PRKCE: variants seen among roughly 807,000 people sequenced by gnomAD.
PRKCE encodes protein kinase C epsilon.
PRKCE carries 16 observed loss-of-function variants against 85.4 expected under a neutral mutation model. That is an observed-to-expected ratio of 0.19 (90% CI 0.13 to 0.28). The LOEUF (loss-of-function observed/expected upper bound fraction) is 0.28, where lower values mean the gene tolerates loss of function less well. Ranked by LOEUF, PRKCE falls within the 10% of genes least tolerant of loss-of-function variation. The pLI, the probability that PRKCE is intolerant of heterozygous loss-of-function variation, is 1.00. For synonymous variants in PRKCE, 388 were observed against 371.5 expected (o/e 1.04, Z -0.51); for missense variants, 573 against 975.2 (o/e 0.59, Z 5.49).
intron 2 of PRKCE, among the ~76,000 whole-genome samples, chr2:45,910,645 A>G (rs1294360733): frequency 1.3e-5 from 2 of 152,208 alleles, no homozygotes; most frequent in Non-Finnish European, 2.9e-5. Flanking sequence ...TCTGTTGGAT[A>G]GCCCAGCTCA....
chr2:46,133,836 T>C (rs1674699069), intron 11 of PRKCE, among the ~76,000 whole-genome samples: 1 of 152,198 alleles, frequency 6.6e-6, no homozygotes, highest in Admixed American at 6.5e-5. Context: ...TAATGACAAG[T>C]TGTCATTGTT....
intron 1 of PRKCE, among the ~76,000 whole-genome samples, chr2:45,664,721 C>A (rs1675832297): frequency 6.6e-6 from 1 of 152,174 alleles, no homozygotes; most frequent in Non-Finnish European, 1.5e-5. Context: ...CTCATTGCTC[C>A]CTTTTGTGTA....
intron 1 of PRKCE, among the ~76,000 whole-genome samples, chr2:45,747,732 G>C (rs1683249618): frequency 6.6e-6 from 1 of 152,172 alleles, no homozygotes; most frequent in African/African-American, 2.4e-5. Context: ...AAGCAGAATT[G>C]CTAGGTGATA....
intron 10 of PRKCE, among the ~76,000 whole-genome samples, chr2:46,080,557 A>C (rs905541214): frequency 6.6e-6 from 1 of 152,210 alleles, no homozygotes; most frequent in Non-Finnish European, 1.5e-5. Context: ...TGACGCAGAC[A>C]TAATAGGAAC....
intron 1 of PRKCE, among the ~76,000 whole-genome samples, chr2:45,702,261 T>C (rs927272243): frequency 6.6e-6 from 1 of 152,208 alleles, no homozygotes; most frequent in African/African-American, 2.4e-5. Flanking sequence ...TCCGCTCAGA[T>C]ACAGATGTGG....
chr2:45,669,909 G>C (rs941381581), intron 1 of PRKCE, among the ~76,000 whole-genome samples: 27 of 152,154 alleles, frequency 1.8e-4, no homozygotes, highest in Admixed American at 1.0e-3. Flanking sequence ...TATTTTGGGG[G>C]CTGAGGCACG....
At chr2:45,955,990 G>C (rs189215324) in intron 2 of PRKCE, among the ~76,000 whole-genome samples, 33 of 152,258 alleles carry the variant, frequency 2.2e-4, no homozygotes, top group Admixed American at 5.9e-4. Context: ...CTCAGCCCCG[G>C]GTAACCGCTG....
chr2:45,997,405 T>G (rs1704306960), intron 6 of PRKCE, among the ~76,000 whole-genome samples: 1 of 152,100 alleles, frequency 6.6e-6, no homozygotes, highest in Non-Finnish European at 1.5e-5. Flanking sequence ...TTTCCTAAGA[T>G]AGAGGCTTAG....
At chr2:46,078,424 C>T (rs945091447) in intron 10 of PRKCE, 1 of 150,770 alleles carries the variant, frequency 6.6e-6, no homozygotes, top group African/African-American at 2.4e-5. Flanking sequence ...CGTGTAGTCT[C>T]AACTACTCAG....
At chr2:45,992,489 TCA>T (rs1161805806) in intron 6 of PRKCE, among the ~76,000 whole-genome samples, 3 of 152,354 alleles carry the variant, frequency 2.0e-5, no homozygotes, top group Admixed American at 6.5e-5. Context: ...TCGTTCACTC[TCA>T]CACCCCTGCC....
chr2:45,830,863 A>C (rs1032451796), intron 1 of PRKCE, among the ~76,000 whole-genome samples: 1 of 152,264 alleles, frequency 6.6e-6, no homozygotes, highest in Non-Finnish European at 1.5e-5. Context: ...ATTATGTGTG[A>C]GAACAGGCAT....
chr2:45,812,550 C>T (rs546563210), intron 1 of PRKCE, among the ~76,000 whole-genome samples: 1 of 152,312 alleles, frequency 6.6e-6, no homozygotes, highest in Admixed American at 6.5e-5. Flanking sequence ...TCTCAGTGAC[C>T]TCCTCTGTGC....
At chr2:46,019,399 G>T (rs559552583) in intron 10 of PRKCE, among the ~76,000 whole-genome samples, 1 of 152,140 alleles carries the variant, frequency 6.6e-6, no homozygotes, top group Non-Finnish European at 1.5e-5. Flanking sequence ...GTGGTTCCCC[G>T]CTGGCACCCT....
chr2:45,961,655 G>A (rs540060111), intron 2 of PRKCE, among the ~76,000 whole-genome samples: 2 of 151,958 alleles, frequency 1.3e-5, no homozygotes, highest in South Asian at 4.2e-4. Context: ...AGGTGTAGCA[G>A]CCTGCCTTGG....
At chr2:46,080,190 A>T (rs1035819813) in intron 10 of PRKCE, among the ~76,000 whole-genome samples, 1 of 152,232 alleles carries the variant, frequency 6.6e-6, no homozygotes, top group Non-Finnish European at 1.5e-5. Flanking sequence ...GTAATTAAGC[A>T]GTTCTCAGAA....
At chr2:45,928,795 G>T (rs970595152) in intron 2 of PRKCE, among the ~76,000 whole-genome samples, 1 of 151,952 alleles carries the variant, frequency 6.6e-6, no homozygotes, top group Non-Finnish European at 1.5e-5. Context: ...TTCCTAGAAA[G>T]GTCCGCAGCT....
chr2:45,962,242 C>A (rs1701432055), intron 2 of PRKCE, among the ~76,000 whole-genome samples: 3 of 152,180 alleles, frequency 2.0e-5, no homozygotes, highest in African/African-American at 7.2e-5. Context: ...AATGTAGAAC[C>A]ATTCCTACTT....
chr2:45,882,550 T>C (rs1369710255), intron 2 of PRKCE, among the ~76,000 whole-genome samples: 1 of 152,206 alleles, frequency 6.6e-6, no homozygotes, highest in African/African-American at 2.4e-5. Context: ...GTTTGGAAAA[T>C]CATCACTGCA....
At chr2:45,918,822 A>T (rs147925038) in intron 2 of PRKCE, among the ~76,000 whole-genome samples, 50 of 152,146 alleles carry the variant, frequency 3.3e-4, no homozygotes, top group Non-Finnish European at 6.8e-4. Flanking sequence ...AGCATATCCT[A>T]CTAGTTTGTA....
Sources: allele counts gnomAD v4.1 joint callset (sites outside exome capture counted in the v4.1 genomes callset), GRCh38; gene constraint gnomAD v4.1.1; transcripts MANE v1.5; gene names NCBI Gene and HGNC (gene_info 2026-07-23, HGNC 2026-07-21).